TSEN2: variants seen among roughly 807,000 people sequenced by gnomAD.
The protein encoded by TSEN2 is tRNA splicing endonuclease subunit 2.
In TSEN2, 54 loss-of-function variants were observed where a neutral mutation model predicts 59.2. That is an observed-to-expected ratio of 0.91 (90% CI 0.73 to 1.14). The LOEUF (loss-of-function observed/expected upper bound fraction) is 1.14. Ranked by LOEUF, TSEN2 falls within the 50% of genes most tolerant of loss-of-function variation. The pLI, the probability that TSEN2 is intolerant of heterozygous loss-of-function variation, is 0.00. For synonymous variants in TSEN2, 195 were observed against 198.2 expected (o/e 0.98, Z 0.14); for missense variants, 636 against 576.2 (o/e 1.10, Z -1.06).
chr3:12,488,510 A>C (rs955450998), intron 1 of TSEN2, among the ~76,000 whole-genome samples: 1 of 152,106 alleles, frequency 6.6e-6, no homozygotes, highest in Non-Finnish European at 1.5e-5. Flanking sequence ...AAGTGCATCT[A>C]CTGTATCTCT....
chr3:12,499,235 A>T (rs968822854), intron 4 of TSEN2, among the ~76,000 whole-genome samples: 1 of 152,224 alleles, frequency 6.6e-6, no homozygotes, highest in Non-Finnish European at 1.5e-5. Context: ...GAACTGACAC[A>T]AGTAGGGGTA....
intron 7 of TSEN2, 21 bp from the exon 8 acceptor site, chr3:12,519,037 GT>G: frequency 1.9e-6 from 3 of 1,613,752 alleles, no homozygotes; most frequent in Non-Finnish European, 2.5e-6. Flanking sequence ...AATGCTTTTT[GT>G]TTTTTTGTAA....
In TSEN2 at chr3:12,502,443, G is replaced by A. The variant is rs1352636947; in HGVS notation, c.309-819G>A. On this transcript the variant is annotated intron_variant, in intron 4 of 11. Coordinates refer to ENST00000284995, the MANE Select transcript of TSEN2 (RefSeq NM_025265.4). Reference sequence around the variant, plus strand: ...CCTAGCTACTCGGGAGGCTGAGGCAGAAGAATCGCTTGAACCCGGGAGGCA... The same window carrying A: ...CCTAGCTACTCGGGAGGCTGAGGCAAAAGAATCGCTTGAACCCGGGAGGCA... 3.9e-5 allele frequency among the ~76,000 whole-genome samples: 6 copies of A among 152,078 alleles called. No homozygotes were observed. In the South Asian group the frequency reaches 6.2e-4, roughly 16 times the overall value.
At chr3:12,539,229 G>A (rs931623817) in exon 11 of TSEN2, 17 of 406,626 alleles carry the variant, frequency 4.2e-5, no homozygotes, top group Non-Finnish European at 9.5e-6. Flanking sequence ...TGCCTGCTGG[G>A]TTTAAGCGAT....
At chr3:12,522,820 A>C (rs1173825709) in intron 8 of TSEN2, among the ~76,000 whole-genome samples, 1 of 152,178 alleles carries the variant, frequency 6.6e-6, no homozygotes, top group Non-Finnish European at 1.5e-5. Context: ...TGCAGCTGCC[A>C]ACCTAGTTGA....
chr3:12,535,724 G>A (rs144060964), downstream of TSEN2, among the ~76,000 whole-genome samples: 1,111 of 152,198 alleles, frequency 7.3e-3, 18 homozygotes, highest in African/African-American at 0.026. Flanking sequence ...TAGAGACAGG[G>A]TTTCACCATG....
rs377654319 is a variant in TSEN2 at position 12,531,567 on chromosome 3, T to C, written c.1249-3T>C. On this transcript the variant is annotated splice_region_variant and splice_polypyrimidine_tract_variant and intron_variant, in intron 10 of 11. Transcript: ENST00000284995. ...ACAGAAGTGGTTTTTCATTTCTCAATAGGAACTTATGCTGTGCTATTTGAT... is the reference window on the plus strand; with the variant it reads ...ACAGAAGTGGTTTTTCATTTCTCAACAGGAACTTATGCTGTGCTATTTGAT... 1.8e-4 allele frequency: 293 copies of C among 1,600,870 alleles called. No homozygotes were observed. Among genetic ancestry groups the C allele is most frequent in the Non-Finnish European group, 2.4e-4 (282 of 1,168,054 alleles).
chr3:12,513,578 A>G (rs986652203), intron 6 of TSEN2, among the ~76,000 whole-genome samples: 6 of 152,348 alleles, frequency 3.9e-5, no homozygotes, highest in South Asian at 2.1e-4. Flanking sequence ...TGATACTTCC[A>G]AGGCCCTAGC....
chr3:12,516,580 A>G (rs1261768963), intron 6 of TSEN2, 31 bp from the exon 7 acceptor site: 2 of 1,612,196 alleles, frequency 1.2e-6, no homozygotes, highest in Admixed American at 1.7e-5. Flanking sequence ...AACTATTTGT[A>G]ATGAGCATTT....
chr3:12,506,917 G>A (rs768776649), intron 6 of TSEN2: 85 of 962,744 alleles, frequency 8.8e-5, no homozygotes, highest in African/African-American at 1.6e-4. Context: ...TGTGGGGGCC[G>A]GGCGCCGTGG....
intron 6 of TSEN2, among the ~76,000 whole-genome samples, chr3:12,512,168 C>T (rs1033169575): frequency 6.6e-6 from 1 of 152,176 alleles, no homozygotes; most frequent in South Asian, 2.1e-4. Context: ...CTCATTGTGT[C>T]GCATCCCTCT....
chr3:12,517,077 G>A (rs1373347126), intron 7 of TSEN2, among the ~76,000 whole-genome samples: 1 of 152,196 alleles, frequency 6.6e-6, no homozygotes, highest in Non-Finnish European at 1.5e-5. Context: ...GCCGGGCCCG[G>A]TGGCTCACGC....
chr3:12,483,953 G>A (rs963659308), upstream of TSEN2, among the ~76,000 whole-genome samples: 3 of 152,200 alleles, frequency 2.0e-5, no homozygotes, highest in African/African-American at 7.2e-5. Context: ...AGGTGGACCT[G>A]CCGCCTATTG....
At chr3:12,503,188 C>T (rs1301488278) in intron 4 of TSEN2, 74 bp from the exon 5 acceptor site, 2 of 1,563,438 alleles carry the variant, frequency 1.3e-6, no homozygotes, top group Non-Finnish European at 1.8e-6. Flanking sequence ...ACCTTCCAGT[C>T]TGTTTTATGT....
At chr3:12,491,570 C>A (rs1015718897) in intron 2 of TSEN2, among the ~76,000 whole-genome samples, 1 of 152,228 alleles carries the variant, frequency 6.6e-6, no homozygotes, top group East Asian at 1.9e-4. Context: ...GCTTATCAGA[C>A]CTAGACTGAA....
At position 12,516,623 on chromosome 3, in the gene TSEN2, G is replaced by T. The variant is rs1178549372; in HGVS notation, c.922G>T (p.Val308Phe). The T allele has an allele frequency of 6.2e-7, 1 of 1,613,822 alleles. No individual in the cohort carries two copies. The highest frequency in any genetic ancestry group is 2.2e-5 in the East Asian group (1 of 44,830). Residue 308 changes from valine (V) to phenylalanine (F), a missense_variant, in exon 7 of 12, where the codon GTC becomes TTC. By Grantham distance (50) the Val-to-Phe change is conservative. Transcript: ENST00000284995. The stretch of plus-strand genomic sequence containing the variant: ...GCTGTATTTTCAGGCCTTTTTCTTG[G>T]TCTATGCTCTGGGATGTTTAAGTAT... ...QLSLEEAFFL[V>F]YALGCLSIYY... is the part of the protein sequence containing the mutation.
At chr3:12,492,799 C>G (rs139268602) in intron 3 of TSEN2, among the ~76,000 whole-genome samples, 1 of 152,196 alleles carries the variant, frequency 6.6e-6, no homozygotes, top group Non-Finnish European at 1.5e-5. Context: ...TGACAATATA[C>G]TGCATTGGTG....
In TSEN2 at chr3:12,503,630, A is replaced by T. The variant is rs777921610; in HGVS notation, c.677A>T (p.Asp226Val). Reference protein sequence around the residue: ...PLPHVCCCKQDALILQRGLHH... With the variant: ...PLPHVCCCKQVALILQRGLHH... The stretch of plus-strand genomic sequence containing the variant: ...CCCCATGTCTGTTGCTGCAAACAAG[A>T]TGCTCTCATCCTCCAGCGTGGCCTT... Residue 226 changes from aspartate (D) to valine (V), a missense_variant, in exon 5 of 12, where the codon GAT (aspartate) becomes GTT (valine). Transcript: ENST00000284995. 3.8e-6 allele frequency: 6 copies of T among 1,596,208 alleles called. No homozygotes were observed. In the South Asian group the frequency reaches 5.7e-5, roughly 15 times the overall value.
intron 4 of TSEN2, among the ~76,000 whole-genome samples, chr3:12,502,363 A>AG (rs1480907255): frequency 6.6e-6 from 1 of 151,556 alleles, no homozygotes; most frequent in African/African-American, 2.4e-5. Flanking sequence ...CTGGCCAAAA[A>AG]TTTGTGTTCA....
Sources: allele counts gnomAD v4.1 joint callset (sites outside exome capture counted in the v4.1 genomes callset), GRCh38; gene constraint gnomAD v4.1.1; transcripts MANE v1.5; gene names NCBI Gene and HGNC (gene_info 2026-07-23, HGNC 2026-07-21).